PMP22: variants seen among roughly 807,000 people sequenced by gnomAD.
PMP22 encodes peripheral myelin protein 22.
A neutral mutation model predicts 18.9 loss-of-function variants in PMP22; 2 were observed. That is an observed-to-expected ratio of 0.11 (90% CI 0.04 to 0.33). The LOEUF (loss-of-function observed/expected upper bound fraction) is 0.33. Among genes scored for constraint, PMP22 ranks in the 10% least tolerant of loss-of-function variants. The pLI is 1.00. For synonymous variants in PMP22, 95 were observed against 89.2 expected (o/e 1.07, Z -0.37); for missense variants, 169 against 202.2 (o/e 0.84, Z 1.00).
Position 15,260,780 on chromosome 17 carries a change from GC to G in PMP22, c.-34-20del. The G allele has an allele frequency of 6.8e-7, 1 of 1,475,928 alleles. No individual in the cohort carries two copies. The highest frequency in any genetic ancestry group is 9.3e-7 in the Non-Finnish European group (1 of 1,078,414). 91.4% of individuals were successfully genotyped at this position (1,475,928 alleles called of 1,614,324 possible). On this transcript the variant is annotated intron_variant, in intron 1 of 4. Transcript: ENST00000312280. ...TTTCTGCCTGCGAGGAGAGCGCTGG[GC>G]GTGAGGCCGAACGCACTGGGCCGAG...
chr17:15,262,367 C>T (rs989592952), intron 1 of PMP22: 4 of 152,600 alleles, frequency 2.6e-5, no homozygotes, highest in African/African-American at 9.6e-5. Flanking sequence ...TTCTGGCACC[C>T]TCACTGGAAG....
chr17:15,230,494 G>A lies in PMP22; in HGVS notation c.*423C>T, dbSNP rs1906210344. 5.0e-6 allele frequency: 1 copy of A among 201,702 alleles called. No homozygotes were observed. 12.5% of individuals were successfully genotyped at this position (201,702 alleles called of 1,614,324 possible). The stretch of plus-strand genomic sequence containing the variant: ...ACCCACACTTTGGTTTTCTAAATGA[G>A]GTGGACTGGGAGGGAGGTATCTTCT... On this transcript the variant is annotated 3_prime_UTR_variant, in exon 5 of 5. Coordinates refer to ENST00000312280, the MANE Select transcript of PMP22 (RefSeq NM_000304.4).
chr17:15,235,412 C>A (rs2150670547), intron 4 of PMP22: 2 of 688,992 alleles, frequency 2.9e-6, no homozygotes, highest in South Asian at 3.1e-5. Flanking sequence ...GCAAATCTTC[C>A]TTTTAGGTCT....
Position 15,258,878 on chromosome 17 carries a change from G to A in PMP22, c.178+216C>T. ...GAGGGCACTAAGGGCATGTCTCTAG[G>A]TAGAGTGAATCACAATGATGCCCAG... On this transcript the variant is annotated intron_variant, in intron 3 of 4. Transcript: ENST00000312280. This position sits in a 1 kb window ranked among gnomAD's most constrained non-coding sequence, Gnocchi z 4.1. 3.2e-6 allele frequency: 2 copies of A among 632,454 alleles called. No homozygotes were observed. The highest frequency in any genetic ancestry group is 2.2e-5 in the Admixed American group (1 of 45,826). 39.2% of individuals were successfully genotyped at this position (632,454 alleles called of 1,614,324 possible).
At chr17:15,240,187 C>T (rs565955420) in intron 3 of PMP22, among the ~76,000 whole-genome samples, 6 of 152,240 alleles carry the variant, frequency 3.9e-5, no homozygotes, top group Admixed American at 3.3e-4. Context: ...CCTCTTCTTG[C>T]CCTCAGGGGT....
chr17:15,245,529 A>G (rs1408057501), intron 3 of PMP22, among the ~76,000 whole-genome samples: 2 of 152,106 alleles, frequency 1.3e-5, no homozygotes, highest in African/African-American at 2.4e-5. Context: ...GCACTAATAT[A>G]TTTTATTGGG....
intron 2 of PMP22, among the ~76,000 whole-genome samples, chr17:15,259,803 G>C (rs1189643609): frequency 6.6e-6 from 1 of 150,790 alleles, no homozygotes; most frequent in African/African-American, 2.4e-5. Flanking sequence ...AAAAAAATTA[G>C]CCAGGCGTGG....
intron 3 of PMP22, among the ~76,000 whole-genome samples, chr17:15,245,717 G>A (rs952063707): frequency 4.6e-5 from 7 of 151,976 alleles, no homozygotes; most frequent in African/African-American, 1.2e-4. Context: ...TATGAAAATG[G>A]GAGCCACAGG....
chr17:15,235,908 C>T (rs1390969243), intron 4 of PMP22, among the ~76,000 whole-genome samples: 1 of 152,062 alleles, frequency 6.6e-6, no homozygotes, highest in African/African-American at 2.4e-5. Context: ...GCACGCACCA[C>T]CACGCCTGGC....
intron 4 of PMP22, among the ~76,000 whole-genome samples, chr17:15,237,306 T>C (rs1380265736): frequency 1.3e-5 from 2 of 152,156 alleles, no homozygotes; most frequent in Non-Finnish European, 2.9e-5. Context: ...TGGCCTAAAA[T>C]GATGTAATGA....
intron 3 of PMP22, among the ~76,000 whole-genome samples, chr17:15,257,311 T>C (rs1192826741): frequency 6.6e-6 from 1 of 152,238 alleles, no homozygotes; most frequent in Non-Finnish European, 1.5e-5. Flanking sequence ...CTTTCTTTCC[T>C]GCAGATGGTT....
intron 1 of PMP22, chr17:15,262,666 G>C (rs916382018): frequency 1.3e-5 from 2 of 152,658 alleles, no homozygotes; most frequent in South Asian, 2.1e-4. Context: ...AGGGAGGAGA[G>C]GGGGCAGGAG....
At chr17:15,248,652 G>A (rs534945940) in intron 3 of PMP22, among the ~76,000 whole-genome samples, 61 of 151,998 alleles carry the variant, frequency 4.0e-4, no homozygotes, top group African/African-American at 1.4e-3. Context: ...AACAGAGTAG[G>A]CTTTGTTTCT....
intron 4 of PMP22, among the ~76,000 whole-genome samples, chr17:15,235,951 G>C (rs983282830): frequency 6.6e-6 from 1 of 151,750 alleles, no homozygotes; most frequent in African/African-American, 2.4e-5. Flanking sequence ...GTAGAGACAG[G>C]GTTTCACCAT....
At chr17:15,255,902 C>T (rs1908783990) in intron 3 of PMP22, among the ~76,000 whole-genome samples, 1 of 152,138 alleles carries the variant, frequency 6.6e-6, no homozygotes, top group South Asian at 2.1e-4. Context: ...GTGATTCACC[C>T]TTCCATATCT....
intron 3 of PMP22, among the ~76,000 whole-genome samples, chr17:15,247,904 T>C (rs1483563259): frequency 6.6e-6 from 1 of 152,224 alleles, no homozygotes; most frequent in East Asian, 1.9e-4. Flanking sequence ...CCCATTTGCA[T>C]AGTGCTAGAC....
At chr17:15,253,212 G>T (rs231028) in intron 3 of PMP22, among the ~76,000 whole-genome samples, 85,365 of 151,940 alleles carry the variant, frequency 0.56, 24,313 homozygotes, top group African/African-American at 0.65. Flanking sequence ...CATTCAAAGC[G>T]ACGCCATGGA....
chr17:15,262,737 T>A (rs1909446355), intron 1 of PMP22: 1 of 152,390 alleles, frequency 6.6e-6, no homozygotes, highest in African/African-American at 2.4e-5. Context: ...AGTCGGTCCC[T>A]GCAAAACCGC....
chr17:15,253,962 C>G (rs1304659388), intron 3 of PMP22, among the ~76,000 whole-genome samples: 1 of 152,180 alleles, frequency 6.6e-6, no homozygotes, highest in African/African-American at 2.4e-5. Flanking sequence ...GCAATAGTCT[C>G]TGGTACACGA....
Sources: gnomAD v4.1 joint callset for allele counts (sites outside exome capture counted in the v4.1 genomes callset) on GRCh38, gnomAD v4.1.1 for gene constraint, Gnocchi (gnomAD v3.1) non-coding constraint, MANE v1.5 for transcripts, NCBI Gene and HGNC (gene_info 2026-07-23, HGNC 2026-07-21) for gene names.